The following PREP variants were observed in gnomAD, a reference collection of about 807,000 sequenced individuals.
PREP encodes prolyl endopeptidase.
In PREP, 29 loss-of-function variants were observed where a neutral mutation model predicts 87.6. That is an observed-to-expected ratio of 0.33 (90% CI 0.25 to 0.45). The LOEUF is 0.45. Ranked by LOEUF, PREP falls within the 20% of genes least tolerant of loss-of-function variation. The pLI is 1.00. For missense variants in PREP, 695 were observed against 886.5 expected (o/e 0.78, Z 2.74); for synonymous variants, 337 against 328.6 (o/e 1.03, Z -0.28).
intron 10 of PREP, among the ~76,000 whole-genome samples, chr6:105,313,004 CA>C: frequency 6.6e-6 from 1 of 152,256 alleles, no homozygotes; most frequent in East Asian, 1.9e-4. Context: ...TTCCACTTCA[CA>C]ATATTTTACT....
intron 7 of PREP, among the ~76,000 whole-genome samples, chr6:105,349,898 T>TTAAAAAAA (rs1491577494): frequency 1.7e-5 from 1 of 59,456 alleles, no homozygotes; most frequent in African/African-American, 5.2e-5. Flanking sequence ...GGGAAGCAGG[T>TTAAAAAAA]AAAAAAAAAA....
intron 6 of PREP, among the ~76,000 whole-genome samples, chr6:105,365,020 T>A (rs1772350518): frequency 6.6e-6 from 1 of 152,174 alleles, no homozygotes; most frequent in Non-Finnish European, 1.5e-5. Flanking sequence ...GAGACCAAGA[T>A]GGGCGGATCA....
chr6:105,338,218 C>T (rs539641053), intron 7 of PREP, among the ~76,000 whole-genome samples: 67 of 152,292 alleles, frequency 4.4e-4, no homozygotes, highest in African/African-American at 1.6e-3. Context: ...GATGTGAAAC[C>T]TTTATTTCAC....
At chr6:105,399,644 C>CT (rs1422646785) in intron 1 of PREP, among the ~76,000 whole-genome samples, 4 of 152,192 alleles carry the variant, frequency 2.6e-5, no homozygotes, top group African/African-American at 9.6e-5. Context: ...AGCTTTTCAT[C>CT]TTTTCTTCTC....
At chr6:105,328,214 A>T (rs1317079496) in intron 9 of PREP, among the ~76,000 whole-genome samples, 1 of 152,082 alleles carries the variant, frequency 6.6e-6, no homozygotes, top group Admixed American at 6.5e-5. Context: ...CTGTGTTCTC[A>T]TGCATATAGA....
rs1583029326 is a variant in PREP, at chr6:105,274,840, A to G, written c.*3304T>C. ...CTGCCTGCCCACCTCCTGGCTGGGG[A>G]ACTTGGACCTTTGCCAAATGGGGAA... On this transcript the variant is annotated 3_prime_UTR_variant, in exon 15 of 15. Coordinates refer to ENST00000652536, the MANE Select transcript of PREP (RefSeq NM_002726.5). Among the ~76,000 whole-genome samples, 1 of 152,012 alleles carries G rather than the reference A, an allele frequency of 6.6e-6. No homozygotes were observed. Among genetic ancestry groups the G allele is most frequent in the Non-Finnish European group, 1.5e-5 (1 of 68,004 alleles).
chr6:105,306,834 T>C (rs145091693), intron 10 of PREP, among the ~76,000 whole-genome samples: 414 of 151,088 alleles, frequency 2.7e-3, no homozygotes, highest in Non-Finnish European at 4.3e-3. Flanking sequence ...GATGGCCTGA[T>C]ACGAATCCTA....
At chr6:105,345,601 T>C (rs557508158) in intron 7 of PREP, among the ~76,000 whole-genome samples, 1 of 152,314 alleles carries the variant, frequency 6.6e-6, no homozygotes, top group East Asian at 1.9e-4. Flanking sequence ...CTCTAAGGGC[T>C]GGACATGTCA....
chr6:105,321,804 A>G (rs772558475), intron 10 of PREP, among the ~76,000 whole-genome samples: 15 of 152,186 alleles, frequency 9.9e-5, no homozygotes, highest in Non-Finnish European at 2.1e-4. Flanking sequence ...AAAAAGGGGA[A>G]AACAGTATCT....
intron 7 of PREP, among the ~76,000 whole-genome samples, chr6:105,344,289 A>C (rs951578464): frequency 4.6e-5 from 7 of 152,154 alleles, no homozygotes; most frequent in Non-Finnish European, 1.0e-4. Flanking sequence ...CAGGAGATCG[A>C]GACCATCTGG....
intron 12 of PREP, among the ~76,000 whole-genome samples, chr6:105,282,972 T>C (rs1419708332): frequency 6.6e-6 from 1 of 152,208 alleles, no homozygotes; most frequent in Non-Finnish European, 1.5e-5. Context: ...TGTTTAGTCC[T>C]CTAGGTTGCA....
chr6:105,329,063 T>A (rs1771251155), intron 8 of PREP, 37 bp from the exon 9 acceptor site: 3 of 1,562,210 alleles, frequency 1.9e-6, no homozygotes, highest in Admixed American at 1.7e-5. Flanking sequence ...TAATGCAATT[T>A]AAAAAATTAA....
chr6:105,292,641 G>A (rs1770318647), intron 10 of PREP, among the ~76,000 whole-genome samples: 1 of 152,142 alleles, frequency 6.6e-6, no homozygotes, highest in Non-Finnish European at 1.5e-5. Context: ...AAGTCAGCCT[G>A]TCCCTTGAAG....
intron 6 of PREP, among the ~76,000 whole-genome samples, chr6:105,359,423 G>A (rs1247447001): frequency 1.3e-5 from 2 of 152,202 alleles, no homozygotes; most frequent in Non-Finnish European, 2.9e-5. Context: ...GATTAAAGAA[G>A]TAGAATTCCC....
At position 105,323,748 on chromosome 6, in the gene PREP, G is replaced by C; in HGVS notation, c.1234C>G (p.Leu412Val). The change falls in exon 10 of 15, where the codon CTT (leucine) becomes GTT (valine). Residue 412 changes from leucine (L) to valine (V), a missense_variant. Physicochemically the swap from Leu to Val is conservative, Grantham distance 32. This residue lies in a region of PREP where 517 missense variants were observed against 620.3 expected (regional missense o/e 0.83). Coordinates refer to ENST00000652536, the MANE Select transcript of PREP (RefSeq NM_002726.5). ...CTTGGCTCCAGCTCCTCTTTGGTAA[G>C]ATCACAGTGATAAATGATACCTAAA... ...LSPGIIYHCD[L>V]TKEELEPRVF... The C allele has an allele frequency of 6.2e-7, 1 of 1,613,006 alleles. No homozygotes were observed. Among genetic ancestry groups the C allele is most frequent in the Non-Finnish European group, 8.5e-7 (1 of 1,178,970 alleles).
chr6:105,328,219 T>C (rs1771223603), intron 9 of PREP, among the ~76,000 whole-genome samples: 1 of 152,200 alleles, frequency 6.6e-6, no homozygotes, highest in South Asian at 2.1e-4. Flanking sequence ...TTCTCATGCA[T>C]ATAGACCAAA....
intron 2 of PREP, among the ~76,000 whole-genome samples, chr6:105,385,859 C>A (rs977824897): frequency 1.3e-5 from 2 of 152,204 alleles, no homozygotes; most frequent in Non-Finnish European, 2.9e-5. Context: ...TGGTGGCTCA[C>A]ATCTGTAATC....
intron 10 of PREP, among the ~76,000 whole-genome samples, chr6:105,296,205 A>T (rs1296282764): frequency 1.3e-5 from 2 of 151,924 alleles, no homozygotes; most frequent in Non-Finnish European, 2.9e-5. Context: ...TCCTTACTGT[A>T]TTTTTTTTAT....
intron 10 of PREP, among the ~76,000 whole-genome samples, chr6:105,293,282 T>A (rs374191371): frequency 1.3e-5 from 2 of 152,254 alleles, no homozygotes; most frequent in South Asian, 4.1e-4. Flanking sequence ...ACTGGAGGGT[T>A]GTTAATCGCC....
Sources: gnomAD v4.1 joint callset for allele counts (sites outside exome capture counted in the v4.1 genomes callset) on GRCh38, gnomAD v4.1.1 for gene constraint, gnomAD v4.1.1 regional missense constraint, MANE v1.5 for transcripts, NCBI Gene and HGNC (gene_info 2026-07-23, HGNC 2026-07-21) for gene names.